The following HIP1R variants were observed in gnomAD, a reference collection of about 807,000 sequenced individuals.
HIP1R encodes the protein huntingtin-interacting protein 1-related protein.
In HIP1R, 135 loss-of-function variants were observed where a neutral mutation model predicts 144.2. That is an observed-to-expected ratio of 0.94 (90% confidence interval 0.81 to 1.08). The LOEUF is 1.08. HIP1R is among the 50% of genes least tolerant of loss of function. HIP1R has a pLI of 0.00. For missense variants in HIP1R, 1,462 were observed against 1,432.8 expected (o/e 1.02, Z -0.33); for synonymous variants, 698 against 612.8 (o/e 1.14, Z -2.05).
intron 25 of HIP1R, 23 bp downstream of exon 25, chr12:122,860,100 G>T: frequency 6.3e-7 from 1 of 1,580,874 alleles, no homozygotes; most frequent in Non-Finnish European, 8.6e-7. Context: ...GACCCGGGGG[G>T]GTCTGCACCT....
In HIP1R at chr12:122,848,841, G is replaced by A. The variant is rs879628027; in HGVS notation, c.346G>A (p.Gly116Arg). Residue 116 changes from glycine to arginine, a missense_variant, in exon 4 of 32, where the codon GGA becomes AGA. Around this residue, in one of 2 missense-constraint regions of HIP1R, gnomAD observed 350 missense variants for 421.1 expected, o/e 0.83. Transcript: ENST00000253083. ...QRYRSNIREI[G>R]DLWGHLHDRY... The stretch of plus-strand genomic sequence containing the variant: ...GTACCGCAGCAACATCCGGGAGATT[G>A]GAGACCTGTGGGTAGGTCCAGCCAT... 3 of 1,613,286 alleles carry A rather than the reference G, an allele frequency of 1.9e-6. No individual in the cohort carries two copies. The highest frequency in any genetic ancestry group is 2.5e-6 in the Non-Finnish European group (3 of 1,180,000).
chr12:122,855,391 G>A lies in HIP1R; in HGVS notation c.979G>A (p.Ala327Thr), dbSNP rs772173203. The A allele has an allele frequency of 8.3e-6, 13 of 1,572,154 alleles. No homozygotes were observed. The highest frequency in any genetic ancestry group is 4.7e-5 in the East Asian group (2 of 42,302). Residue 327 changes from alanine to threonine, a missense_variant, in exon 11 of 32, where the codon GCG (alanine) becomes ACG (threonine). By Grantham distance (58) the Ala-to-Thr change is moderately conservative (BLOSUM62 0). Transcript: ENST00000253083. ...NLIEISTGPPAGEPVVVADLF... is the reference protein window; with the variant it reads ...NLIEISTGPPTGEPVVVADLF... ...CATTGAGATCAGCACAGGGCCCCCC[G>A]CGGGGGAGCCAGTGGTGAGCCCCCT...
chr12:122,852,716 G>C (rs940940579), intron 7 of HIP1R, among the ~76,000 whole-genome samples: 14 of 152,208 alleles, frequency 9.2e-5, no homozygotes, highest in Non-Finnish European at 1.9e-4. Flanking sequence ...TGTCTGTGCA[G>C]AGCAGAGAAC....
chr12:122,846,808 T>G (rs967369533), intron 1 of HIP1R, among the ~76,000 whole-genome samples: 3 of 152,182 alleles, frequency 2.0e-5, no homozygotes, highest in Non-Finnish European at 4.4e-5. Flanking sequence ...AGCTCCCATC[T>G]GAGGTCCCAC....
At chr12:122,854,619 T>G (rs2033505751) in intron 8 of HIP1R, among the ~76,000 whole-genome samples, 1 of 152,246 alleles carries the variant, frequency 6.6e-6, no homozygotes, top group African/African-American at 2.4e-5. Flanking sequence ...CCAACGTGTT[T>G]GGTGAAAGCG....
chr12:122,835,993 G>A (rs2032882776), intron 1 of HIP1R, among the ~76,000 whole-genome samples: 1 of 151,442 alleles, frequency 6.6e-6, no homozygotes. Flanking sequence ...TGGGGCCGGG[G>A]TTGGGTGTGC....
At chr12:122,858,474 TC>T in intron 20 of HIP1R, 39 bp downstream of exon 20, 1 of 1,507,396 alleles carries the variant, frequency 6.6e-7, no homozygotes, top group Non-Finnish European at 9.0e-7. Flanking sequence ...GGGGGCTGTG[TC>T]CCAGTTCCAG....
chr12:122,858,119 G>C lies in HIP1R; in HGVS notation c.1833G>C (p.Gly611=), dbSNP rs1328927051. The C allele has an allele frequency of 1.9e-6, 3 of 1,591,840 alleles. No homozygotes were observed. Among genetic ancestry groups the C allele is most frequent in the East Asian group, 4.5e-5 (2 of 44,506 alleles). ...RLAERESQEQ[G]LRQRLLDEQF... ...ATTGCCAGGAGTCTCAGGAGCAGGG[G>C]CTGCGGCAGAGGCTGCTGGACGAGC... is the stretch of plus-strand genomic sequence containing the variant. Residue 611 remains glycine (G), a synonymous_variant, in exon 19 of 32, where the codon GGG becomes GGC. Transcript: ENST00000253083.
chr12:122,855,704 G>C, intron 12 of HIP1R, 92 bp downstream of exon 12: 1 of 1,517,260 alleles, frequency 6.6e-7, no homozygotes, highest in South Asian at 1.2e-5. Context: ...AAAGGCCATA[G>C]GTGGGGAACA....
At chr12:122,844,203 A>G (rs906739587) in intron 1 of HIP1R, among the ~76,000 whole-genome samples, 4 of 152,044 alleles carry the variant, frequency 2.6e-5, no homozygotes, top group Admixed American at 2.6e-4. Flanking sequence ...CAGTGGTGCT[A>G]TCATGGCTCA....
chr12:122,861,087 G>A lies in HIP1R; in HGVS notation c.2891-44G>A, dbSNP rs527650363. 126 of 1,613,552 alleles carry A rather than the reference G, an allele frequency of 7.8e-5. 2 individuals carry two copies. The East Asian group carries it at 2.6e-3, about 34-fold the overall frequency. On this transcript the variant is annotated intron_variant, in intron 29 of 31. Transcript: ENST00000253083. ...GGCTGCTGGCTCCCGAGGCTGAATG[G>A]GGGTGGGTGCCCAGATGTTCACCCC...
intron 18 of HIP1R, chr12:122,857,464 A>G: frequency 1.7e-6 from 1 of 582,848 alleles, no homozygotes; most frequent in Non-Finnish European, 3.1e-6. Context: ...CATTGTGTTT[A>G]TCTGTTCATC....
rs1284882892 is a variant in HIP1R, at chr12:122,860,194, TCGTGGAGAG to T, written c.2546_2554del (p.Val849_Ser851del). On this transcript the variant is annotated inframe_deletion, in exon 26 of 32. Coordinates refer to ENST00000253083, the MANE Select transcript of HIP1R (RefSeq NM_003959.3). ...ACATCCACTAGCCTGCAGAAGGAGATCGTGGAGAGCGGCAGGGTGAGGGGCCGGCGGCAG... is the reference window on the plus strand; with the variant it reads ...ACATCCACTAGCCTGCAGAAGGAGATCGGCAGGGTGAGGGGCCGGCGGCAG... 3 of 1,565,486 alleles carry T rather than the reference TCGTGGAGAG, an allele frequency of 1.9e-6. No homozygotes were observed. The highest frequency in any genetic ancestry group is 2.6e-6 in the Non-Finnish European group (3 of 1,157,082).
In HIP1R at chr12:122,848,588, C is replaced by T. The variant is rs267603357; in HGVS notation, c.280C>T (p.Leu94Phe). 2.5e-6 allele frequency: 4 copies of T among 1,612,468 alleles called. No individual in the cohort carries two copies. Among genetic ancestry groups the T allele is most frequent in the Non-Finnish European group, 3.4e-6 (4 of 1,179,604 alleles). ...GTTCTGCCACGTCCTCCACAAGGTCCTTCGAGACGGGCACCCCAATGTGAG... is the reference window on the plus strand; with the variant it reads ...GTTCTGCCACGTCCTCCACAAGGTCTTTCGAGACGGGCACCCCAATGTGAG... ...WKFCHVLHKV[L>F]RDGHPNVLHD... Residue 94 changes from leucine (L) to phenylalanine (F), a missense_variant, in exon 3 of 32, where the codon CTT (leucine) becomes TTT (phenylalanine). This residue lies in a region of HIP1R where 350 missense variants were observed against 421.1 expected (regional missense o/e 0.83). Transcript: ENST00000253083.
At chr12:122,855,702 T>C (rs1219679139) in intron 12 of HIP1R, 90 bp downstream of exon 12, 2 of 1,514,960 alleles carry the variant, frequency 1.3e-6, no homozygotes, top group South Asian at 1.2e-5. Context: ...GGAAAGGCCA[T>C]AGGTGGGGAA....
intron 1 of HIP1R, among the ~76,000 whole-genome samples, chr12:122,838,698 C>T (rs1191295562): frequency 1.3e-5 from 2 of 152,220 alleles, no homozygotes; most frequent in Non-Finnish European, 2.9e-5. Flanking sequence ...TTTTCATCAG[C>T]TGAGATGGTC....
intron 13 of HIP1R, 26 bp from the exon 14 acceptor site, chr12:122,855,954 G>A (rs764612499): frequency 1.3e-6 from 2 of 1,572,558 alleles, no homozygotes; most frequent in Non-Finnish European, 1.7e-6. Context: ...CCCAGGCAGG[G>A]CCCCACGTCA....
In HIP1R at chr12:122,859,087, G is replaced by A. The variant is rs756613905; in HGVS notation, c.2185G>A (p.Gly729Arg). 3.2e-5 allele frequency: 51 copies of A among 1,604,008 alleles called. No homozygotes were observed. The highest frequency in any genetic ancestry group is 4.5e-5 in the East Asian group (2 of 44,376). The change falls in exon 22 of 32, where the codon GGG becomes AGG. Residue 729 changes from glycine to arginine, a missense_variant. Physicochemically the swap from Gly to Arg is moderately radical, Grantham distance 125 (BLOSUM62 -2). Around this residue, in one of 2 missense-constraint regions of HIP1R, gnomAD observed 1,112 missense variants for 1,011.7 expected, o/e 1.10. Transcript: ENST00000253083. ...DRLIDTCREC[G>R]ARALELMGQL... ...CCTCATAGACACCTGCAGGGAGTGC[G>A]GGGCCCGGGCTCTGGAGCTCATGGG...
intron 1 of HIP1R, among the ~76,000 whole-genome samples, chr12:122,847,384 C>T (rs2033239989): frequency 6.6e-6 from 1 of 152,194 alleles, no homozygotes; most frequent in Admixed American, 6.5e-5. Flanking sequence ...GAAGGTGCCA[C>T]TTGCGCAGCT....
Sources: allele counts gnomAD v4.1 joint callset (sites outside exome capture counted in the v4.1 genomes callset), GRCh38; gene constraint gnomAD v4.1.1; regional missense constraint gnomAD v4.1.1; transcripts MANE v1.5; gene names NCBI Gene and HGNC (gene_info 2026-07-23, HGNC 2026-07-21).